The following ERAP1 variants were observed in gnomAD, a reference collection of about 807,000 sequenced individuals.
ERAP1 encodes endoplasmic reticulum aminopeptidase 1.
ERAP1 carries 86 observed loss-of-function variants against 103.7 expected under a neutral mutation model. The observed-to-expected ratio is 0.83, with a 90% confidence interval of 0.70 to 0.99. The LOEUF (loss-of-function observed/expected upper bound fraction) is 0.99. ERAP1 is among the 50% of genes least tolerant of loss of function. The probability of loss-of-function intolerance (pLI) is 0.00; values close to 1 mark genes in which losing one functional copy is unlikely to be tolerated. For missense variants in ERAP1, 1,009 were observed against 1,128.4 expected, an observed-to-expected ratio of 0.89 and a Z score of 1.52; for synonymous variants, 398 against 402.4, an observed-to-expected ratio of 0.99 and a Z score of 0.13.
chr5:96,913,382 C>T, the ERAP1 span: 898 of 1,613,860 alleles, frequency 5.6e-4, 1 homozygote, highest in Non-Finnish European at 7.4e-4. Context: ...CTCCTTCATG[C>T]GATTGCCAGA....
the ERAP1 span, chr5:96,822,936 C>T: frequency 1.5e-5 from 6 of 413,392 alleles, no homozygotes; most frequent in Admixed American, 1.5e-4. Context: ...TACAGTCTCA[C>T]CTGAGGCATG....
intron 3 of ERAP1, among the ~76,000 whole-genome samples, chr5:96,798,534 G>C (rs1272406516): frequency 1.3e-5 from 2 of 151,734 alleles, no homozygotes; most frequent in African/African-American, 4.8e-5. Flanking sequence ...ATGGTCACGG[G>C]CATTTTTCCT....
chr5:96,892,843 ACT>A, the ERAP1 span, among the ~76,000 whole-genome samples: 1 of 151,964 alleles, frequency 6.6e-6, no homozygotes, highest in Non-Finnish European at 1.5e-5. Context: ...GGGCAAAATC[ACT>A]CTTCCTTCAG....
chr5:96,824,283 C>T, the ERAP1 span, among the ~76,000 whole-genome samples: 1 of 152,188 alleles, frequency 6.6e-6, no homozygotes, highest in African/African-American at 2.4e-5. Flanking sequence ...ACACATTCCT[C>T]TGGCAATCCA....
chr5:96,842,135 G>A, the ERAP1 span, among the ~76,000 whole-genome samples: 7 of 152,040 alleles, frequency 4.6e-5, no homozygotes, highest in Non-Finnish European at 8.8e-5. Context: ...TTTTATGGCC[G>A]AGTAGTATTC....
chr5:96,901,953 T>C, the ERAP1 span, among the ~76,000 whole-genome samples: 1 of 152,198 alleles, frequency 6.6e-6, no homozygotes, highest in African/African-American at 2.4e-5. Flanking sequence ...TTTTTGAAAA[T>C]GTGAAAGGAA....
At chr5:96,883,858 G>C in the ERAP1 span, 8 of 1,613,704 alleles carry the variant, frequency 5.0e-6, no homozygotes, top group African/African-American at 2.7e-5. Context: ...TTGATGAACC[G>C]TTGTTCAAAG....
the ERAP1 span, among the ~76,000 whole-genome samples, chr5:96,850,881 C>A: frequency 6.6e-6 from 1 of 152,124 alleles, no homozygotes; most frequent in Non-Finnish European, 1.5e-5. Context: ...CTTATCTAGG[C>A]CACTGCTTTC....
chr5:96,777,921 T>A (rs1446373810), intron 18 of ERAP1, among the ~76,000 whole-genome samples: 1 of 152,204 alleles, frequency 6.6e-6, no homozygotes, highest in Non-Finnish European at 1.5e-5. Flanking sequence ...TAAGAACAAT[T>A]TCTGTGCAAT....
At chr5:96,807,956 G>T, upstream of ERAP1, 2 of 985,838 alleles carry the variant, frequency 2.0e-6, no homozygotes, top group South Asian at 4.7e-5. Context: ...GGAGCCCGGG[G>T]AGCGGCAGGC....
the ERAP1 span, among the ~76,000 whole-genome samples, chr5:96,814,622 T>A: frequency 5.9e-5 from 9 of 152,306 alleles, no homozygotes; most frequent in South Asian, 1.5e-3. Flanking sequence ...AAATCAATGA[T>A]AGCTTTTTTC....
At chr5:96,902,158 G>A in the ERAP1 span, 5 of 654,176 alleles carry the variant, frequency 7.6e-6, no homozygotes, top group South Asian at 1.0e-4. Flanking sequence ...CCACTTGTGG[G>A]TAGTATGAAG....
the ERAP1 span, among the ~76,000 whole-genome samples, chr5:96,846,113 T>C: frequency 3.1e-4 from 47 of 152,340 alleles, no homozygotes; most frequent in African/African-American, 1.1e-3. Flanking sequence ...AGGAACCTTG[T>C]AGGTCCTTAA....
chr5:96,785,583 ATTCC>A (rs1042364162), intron 13 of ERAP1: 20 of 599,416 alleles, frequency 3.3e-5, no homozygotes, highest in African/African-American at 5.5e-5. Context: ...TAAGATACAG[ATTCC>A]TTCCTTCAAG....
chr5:96,908,002 G>C, the ERAP1 span, among the ~76,000 whole-genome samples: 3 of 152,318 alleles, frequency 2.0e-5, no homozygotes, highest in South Asian at 6.2e-4. Flanking sequence ...AAAGCAGCAA[G>C]TCATCGTGAT....
chr5:96,865,099 G>A, the ERAP1 span, among the ~76,000 whole-genome samples: 7 of 152,144 alleles, frequency 4.6e-5, no homozygotes, highest in Non-Finnish European at 1.0e-4. Flanking sequence ...CAATTGAAGT[G>A]ATGGGATATG....
chr5:96,895,809 T>A, the ERAP1 span, among the ~76,000 whole-genome samples: 8 of 152,174 alleles, frequency 5.3e-5, no homozygotes, highest in African/African-American at 1.7e-4. Context: ...ACGTCTTTTT[T>A]AAAAACGAAT....
chr5:96,913,694 C>T, the ERAP1 span, among the ~76,000 whole-genome samples: 1 of 152,134 alleles, frequency 6.6e-6, no homozygotes, highest in East Asian at 1.9e-4. Context: ...GGCAAGAAAC[C>T]ACTGGCATCA....
intron 19 of ERAP1, chr5:96,768,006 T>C: frequency 6.3e-7 from 1 of 1,585,990 alleles, no homozygotes; most frequent in Non-Finnish European, 8.7e-7. Context: ...AAAGGTACTG[T>C]GCTTTTTCAC....
Sources: gnomAD v4.1 joint callset for allele counts (sites outside exome capture counted in the v4.1 genomes callset) on GRCh38, gnomAD v4.1.1 for gene constraint, MANE v1.5 for transcripts, NCBI Gene and HGNC (gene_info 2026-07-23, HGNC 2026-07-21) for gene names.